FARP1: variants seen among roughly 807,000 people sequenced by gnomAD.
The protein encoded by FARP1 is FERM, ARHGEF and pleckstrin domain-containing protein 1.
FARP1 carries 52 observed loss-of-function variants against 128.8 expected under a neutral mutation model. The observed-to-expected ratio is 0.40, with a 90% CI of 0.32 to 0.51. FARP1 has a LOEUF of 0.51. Ranked by LOEUF, FARP1 falls within the 20% of genes least tolerant of loss-of-function variation. The pLI is 0.45. For missense variants in FARP1, 1,333 were observed against 1,367.9 expected, an observed-to-expected ratio of 0.97 and a Z score of 0.40; for synonymous variants, 580 against 551.8, an observed-to-expected ratio of 1.05 and a Z score of -0.72.
At chr13:98,388,294 C>T (rs1411430959) in intron 8 of FARP1, 89 bp from the exon 9 acceptor site, 1 of 930,666 alleles carries the variant, frequency 1.1e-6, no homozygotes, top group Admixed American at 1.8e-5. Context: ...TGCCAGCCCT[C>T]TTCCTTTAGC....
At chr13:98,313,109 TACACACACACAC>T (rs10565192) in intron 2 of FARP1, among the ~76,000 whole-genome samples, 5 of 138,276 alleles carry the variant, frequency 3.6e-5, no homozygotes, top group East Asian at 2.2e-4. Context: ...TGGGTCATAA[TACACACACACAC>T]ACACACACAC....
intron 2 of FARP1, among the ~76,000 whole-genome samples, chr13:98,229,940 T>C (rs1374963676): frequency 6.6e-6 from 1 of 152,192 alleles, no homozygotes; most frequent in African/African-American, 2.4e-5. Context: ...CACAGATTTA[T>C]TGTATGAGTG....
chr13:98,189,018 C>T (rs1186159368), intron 1 of FARP1, among the ~76,000 whole-genome samples: 1 of 152,182 alleles, frequency 6.6e-6, no homozygotes, highest in Non-Finnish European at 1.5e-5. Flanking sequence ...AGACGGGCCT[C>T]AGGGCAGGAG....
intron 1 of FARP1, among the ~76,000 whole-genome samples, chr13:98,170,510 C>T (rs1234769971): frequency 6.6e-6 from 1 of 152,176 alleles, no homozygotes; most frequent in Non-Finnish European, 1.5e-5. Context: ...GTGTGTGCCA[C>T]CACGCCCGGC....
intron 2 of FARP1, among the ~76,000 whole-genome samples, chr13:98,308,045 T>C (rs1178211504): frequency 0.014 from 102 of 7,272 alleles, 8 homozygotes; most frequent in Middle Eastern, 0.17. Context: ...TTTTTTTTTT[T>C]TTTTTTTTTT....
intron 3 of FARP1, among the ~76,000 whole-genome samples, chr13:98,346,420 C>CCTCA (rs1330292838): frequency 1.3e-5 from 2 of 150,574 alleles, no homozygotes; most frequent in Non-Finnish European, 3.0e-5. Context: ...GAACTCCTGA[C>CCTCA]CTCAGGTGAT....
intron 17 of FARP1, among the ~76,000 whole-genome samples, chr13:98,428,682 T>C (rs1891881975): frequency 1.3e-5 from 2 of 152,218 alleles, no homozygotes; most frequent in South Asian, 4.1e-4. Flanking sequence ...CCACCCTGCC[T>C]TCCGGCCACC....
intron 2 of FARP1, among the ~76,000 whole-genome samples, chr13:98,338,003 T>C (rs997357824): frequency 1.3e-5 from 2 of 152,206 alleles, no homozygotes; most frequent in African/African-American, 4.8e-5. Flanking sequence ...ATAGATTCTT[T>C]GTTTTCTTAT....
At chr13:98,270,892 GC>G (rs112051158) in intron 2 of FARP1, among the ~76,000 whole-genome samples, 4,306 of 152,240 alleles carry the variant, frequency 0.028, 176 homozygotes, top group African/African-American at 0.094. Flanking sequence ...GAGAGCAGGG[GC>G]CCCGAGGGCA....
chr13:98,282,176 T>C (rs112834759), intron 2 of FARP1, among the ~76,000 whole-genome samples: 3,598 of 152,192 alleles, frequency 0.024, 146 homozygotes, highest in African/African-American at 0.082. Flanking sequence ...TGGTGGTGTG[T>C]GCCTGTGGTT....
chr13:98,343,202 G>A (rs1888043293), intron 2 of FARP1, among the ~76,000 whole-genome samples: 1 of 152,092 alleles, frequency 6.6e-6, no homozygotes, highest in African/African-American at 2.4e-5. Context: ...AGGGAGGGAG[G>A]GAGGAATAGC....
Position 98,439,924 on chromosome 13 carries a change from C to T in FARP1, c.2434-37C>T, listed in dbSNP as rs376039261. On this transcript the variant is annotated intron_variant, in intron 21 of 26. Coordinates refer to ENST00000319562, the MANE Select transcript of FARP1 (RefSeq NM_005766.4). ...CTCAGGGATGTTTGGAAGTGCATCACGTGCCTCATGGTGACGTTATCTTCT... is the reference window on the plus strand; with the variant it reads ...CTCAGGGATGTTTGGAAGTGCATCATGTGCCTCATGGTGACGTTATCTTCT... 2.8e-5 allele frequency: 40 copies of T among 1,413,996 alleles called. 1 individual carries two copies. In the African/African-American group the frequency reaches 4.6e-4, roughly 16 times the overall value. The allele number at this position is 1,413,996 out of a possible 1,614,324, so 87.6% of individuals were successfully genotyped here.
intron 17 of FARP1, chr13:98,425,377 T>G (rs1349102146): frequency 6.6e-6 from 1 of 150,514 alleles, no homozygotes; most frequent in African/African-American, 2.5e-5. Flanking sequence ...GTTTTTTTTT[T>G]TTGTTTGGTT....
intron 1 of FARP1, among the ~76,000 whole-genome samples, chr13:98,148,790 TTATTTGTAAC>T (rs1207205485): frequency 2.0e-5 from 3 of 152,220 alleles, no homozygotes; most frequent in Non-Finnish European, 4.4e-5. Flanking sequence ...TGCTGTCTAA[TTATTTGTAAC>T]TAGTCTGCCT....
chr13:98,285,926 C>T (rs180791016), intron 2 of FARP1, among the ~76,000 whole-genome samples: 33 of 152,262 alleles, frequency 2.2e-4, no homozygotes, highest in Admixed American at 3.3e-4. Context: ...CTTCCTGGCC[C>T]GTTTGGGGGT....
intron 2 of FARP1, chr13:98,328,592 C>CT (rs1158106082): frequency 6.6e-6 from 1 of 152,232 alleles, no homozygotes; most frequent in Non-Finnish European, 1.5e-5. Flanking sequence ...GCACATGACT[C>CT]TTTTTCTTTC....
Position 98,453,487 on chromosome 13 carries a change from T to C in FARP1, c.*5170T>C. On this transcript the variant is annotated 3_prime_UTR_variant, in exon 27 of 27. Transcript: ENST00000319562. ...TGAATAAAACGGGAAATCATATCCC[T>C]TTTACTTACGATCAATTGTCAAAAA... 2 of 411,930 alleles carry C rather than the reference T, an allele frequency of 4.9e-6. No individual in the cohort carries two copies. The highest frequency in any genetic ancestry group is 8.6e-6 in the Non-Finnish European group (2 of 232,266). 25.5% of individuals were successfully genotyped at this position (411,930 alleles called of 1,614,324 possible).
rs567328768 is a variant in FARP1, at chr13:98,389,938, T to A, written c.856-19T>A. Reference sequence around the variant, plus strand: ...CTATGGGTAATGGAAAAAACCACCGTTGTATTTTCCCTTTTTAGAGTGCGT... The same window carrying A: ...CTATGGGTAATGGAAAAAACCACCGATGTATTTTCCCTTTTTAGAGTGCGT... On this transcript the variant is annotated intron_variant, in intron 9 of 26. Transcript: ENST00000319562. 6.2e-7 allele frequency: 1 copy of A among 1,613,018 alleles called. No individual in the cohort carries two copies. Among genetic ancestry groups the A allele is most frequent in the African/African-American group, 1.3e-5 (1 of 74,984 alleles).
chr13:98,174,685 G>A (rs1877874053), intron 1 of FARP1, among the ~76,000 whole-genome samples: 1 of 152,132 alleles, frequency 6.6e-6, no homozygotes. Flanking sequence ...TGAACTGTCT[G>A]CCTTGTCGAC....
Sources: allele counts gnomAD v4.1 joint callset (sites outside exome capture counted in the v4.1 genomes callset), GRCh38; gene constraint gnomAD v4.1.1; transcripts MANE v1.5; gene names NCBI Gene and HGNC (gene_info 2026-07-23, HGNC 2026-07-21).